Variants in SGCZ observed in about 807,000 individuals in gnomAD.
SGCZ encodes sarcoglycan zeta.
In SGCZ, 40 loss-of-function variants were observed where a neutral mutation model predicts 41.3. The observed-to-expected ratio is 0.97, with a 90% CI of 0.75 to 1.26. The LOEUF is 1.26. SGCZ is among the 50% of genes most tolerant of loss of function. SGCZ has a pLI of 0.00. For missense variants in SGCZ, 552 were observed against 369.8 expected, an observed-to-expected ratio of 1.49 and a Z score of -4.04; for synonymous variants, 206 against 137.5, an observed-to-expected ratio of 1.50 and a Z score of -3.49.
intron 2 of SGCZ, among the ~76,000 whole-genome samples, chr8:14,473,323 G>A (rs1428424015): frequency 6.6e-6 from 1 of 152,034 alleles, no homozygotes; most frequent in African/African-American, 2.4e-5. Context: ...AATAAGAAAA[G>A]CTTTCTCCTC....
chr8:14,609,249 G>C (rs62493060), intron 1 of SGCZ, among the ~76,000 whole-genome samples: 4,677 of 151,990 alleles, frequency 0.031, 108 homozygotes, highest in Non-Finnish European at 0.049. Context: ...GTTATGTTTG[G>C]TTTATTTATT....
intron 5 of SGCZ, among the ~76,000 whole-genome samples, chr8:14,140,912 C>T (rs1803348843): frequency 6.6e-6 from 1 of 152,184 alleles, no homozygotes; most frequent in Non-Finnish European, 1.5e-5. Flanking sequence ...TGCTACCTGA[C>T]TTCAAACTAT....
At position 14,823,758 on chromosome 8, in the gene SGCZ, T is replaced by C. The variant is rs187262604; in HGVS notation, c.40-268832A>G. Among the ~76,000 whole-genome samples the C allele has an allele frequency of 4.8e-3, 728 of 152,278 alleles. 3 individuals are homozygous for C. Among genetic ancestry groups the C allele is most frequent in the Non-Finnish European group, 8.4e-3 (568 of 68,002 alleles). On this transcript the variant is annotated intron_variant, in intron 1 of 7. Transcript: ENST00000382080. ...ATTCAAAGGACATAAATCACTATAT[T>C]GAAGAGATACCTGGAGTTACATGTT...
intron 3 of SGCZ, among the ~76,000 whole-genome samples, chr8:14,318,094 G>GT (rs1801775855): frequency 6.6e-6 from 1 of 151,822 alleles, no homozygotes; most frequent in South Asian, 2.1e-4. Context: ...AAGAAAGGTT[G>GT]TATTTCAATT....
chr8:14,932,216 C>T (rs1178322572), intron 1 of SGCZ, among the ~76,000 whole-genome samples: 6 of 151,714 alleles, frequency 4.0e-5, no homozygotes, highest in Non-Finnish European at 8.8e-5. Flanking sequence ...CATATGTTAA[C>T]AAATTATAAA....
intron 2 of SGCZ, among the ~76,000 whole-genome samples, chr8:14,405,317 T>A (rs1381221472): frequency 6.6e-6 from 1 of 152,196 alleles, no homozygotes; most frequent in Non-Finnish European, 1.5e-5. Context: ...AAAGCTATGA[T>A]GGTAACAATG....
chr8:14,397,586 T>A (rs1423506161), intron 2 of SGCZ, among the ~76,000 whole-genome samples: 1 of 152,140 alleles, frequency 6.6e-6, no homozygotes, highest in Non-Finnish European at 1.5e-5. Flanking sequence ...TAAAGCAGTA[T>A]TTTTTATTCT....
chr8:15,032,561 G>A (rs1007868159), intron 1 of SGCZ, among the ~76,000 whole-genome samples: 1 of 152,086 alleles, frequency 6.6e-6, no homozygotes, highest in African/African-American at 2.4e-5. Flanking sequence ...ACAGACCCGG[G>A]ATGCAGGCCT....
At chr8:14,252,826 A>G (rs1450975956) in intron 3 of SGCZ, among the ~76,000 whole-genome samples, 1 of 152,152 alleles carries the variant, frequency 6.6e-6, no homozygotes, top group East Asian at 1.9e-4. Flanking sequence ...TTCTGATTTT[A>G]GCTTTCATTT....
At position 14,397,828 on chromosome 8, in the gene SGCZ, G is replaced by A. The variant is rs540818913; in HGVS notation, c.235-73624C>T. Among the ~76,000 whole-genome samples, 9 of 152,208 alleles carry A rather than the reference G, an allele frequency of 5.9e-5. No homozygotes were observed. In the East Asian group the frequency reaches 7.7e-4, roughly 13 times the overall value. On this transcript the variant is annotated intron_variant, in intron 2 of 7. Transcript: ENST00000382080. ...GTACATCGAAGGTCTTCCACAAGGT[G>A]CTTCGTCTAAGATTGTCAACCCTGA... is the stretch of plus-strand genomic sequence containing the variant.
chr8:14,559,967 G>A (rs759083013), intron 1 of SGCZ, among the ~76,000 whole-genome samples: 1 of 152,084 alleles, frequency 6.6e-6, no homozygotes, highest in Non-Finnish European at 1.5e-5. Flanking sequence ...TATAACAGAT[G>A]ATAAGTTGCC....
rs573084305 is a variant in SGCZ at position 14,197,426 on chromosome 8, G to A, written c.425-32724C>T. 2.8e-4 allele frequency among the ~76,000 whole-genome samples: 43 copies of A among 151,830 alleles called. No homozygotes were observed. In the South Asian group the frequency reaches 8.7e-3, roughly 31 times the overall value. Reference sequence around the variant, plus strand: ...CATAATTATGAACAAATCAAATAAAGCAATATTAATAAAAATGATAATACA... The same window carrying A: ...CATAATTATGAACAAATCAAATAAAACAATATTAATAAAAATGATAATACA... On this transcript the variant is annotated intron_variant, in intron 4 of 7. Coordinates refer to ENST00000382080, the MANE Select transcript of SGCZ (RefSeq NM_139167.4).
At chr8:15,061,120 C>T (rs1804908399) in intron 1 of SGCZ, among the ~76,000 whole-genome samples, 1 of 149,168 alleles carries the variant, frequency 6.7e-6, no homozygotes, top group Non-Finnish European at 1.5e-5. Context: ...TAGCCAGCTA[C>T]TATAATCTGA....
At chr8:14,352,098 C>G (rs1405986629) in intron 2 of SGCZ, among the ~76,000 whole-genome samples, 1 of 152,064 alleles carries the variant, frequency 6.6e-6, no homozygotes, top group East Asian at 1.9e-4. Context: ...AAGTTAGCTT[C>G]TTTCATTAAA....
chr8:15,203,750 T>G (rs1800971234), intron 1 of SGCZ, among the ~76,000 whole-genome samples: 1 of 152,198 alleles, frequency 6.6e-6, no homozygotes, highest in South Asian at 2.1e-4. Context: ...GATTTAGCAG[T>G]GCTTCAAGAT....
At chr8:14,902,780 T>C (rs553957812) in intron 1 of SGCZ, among the ~76,000 whole-genome samples, 1 of 152,140 alleles carries the variant, frequency 6.6e-6, no homozygotes, top group Non-Finnish European at 1.5e-5. Flanking sequence ...ACTGGGGAGG[T>C]CAGTTACCTT....
At chr8:14,155,503 G>A (rs902210121) in intron 5 of SGCZ, among the ~76,000 whole-genome samples, 16 of 151,774 alleles carry the variant, frequency 1.1e-4, no homozygotes, top group East Asian at 3.9e-4. Flanking sequence ...ATTTTCTCCC[G>A]TTAGTCTCAT....
rs1414477514 is a variant in SGCZ at position 14,089,677 on chromosome 8, A to G, written c.*766T>C. Among the ~76,000 whole-genome samples, 1 of 152,078 alleles carries G rather than the reference A, an allele frequency of 6.6e-6. No homozygotes were observed. The highest frequency in any genetic ancestry group is 1.5e-5 in the Non-Finnish European group (1 of 68,006). ...ATGTTTTGTTAAAAGCAAATACGTCACATGCAGTAGCCATGTAAATACTAT... is the reference window on the plus strand; with the variant it reads ...ATGTTTTGTTAAAAGCAAATACGTCGCATGCAGTAGCCATGTAAATACTAT... On this transcript the variant is annotated 3_prime_UTR_variant, in exon 8 of 8. Transcript: ENST00000382080.
chr8:14,954,754 C>G (rs1171295983), intron 1 of SGCZ, among the ~76,000 whole-genome samples: 1 of 152,134 alleles, frequency 6.6e-6, no homozygotes, highest in African/African-American at 2.4e-5. Flanking sequence ...TTAGGTGAGA[C>G]TCCAAGCAGG....
Sources: gnomAD v4.1 joint callset for allele counts (sites outside exome capture counted in the v4.1 genomes callset) on GRCh38, gnomAD v4.1.1 for gene constraint, MANE v1.5 for transcripts, NCBI Gene and HGNC (gene_info 2026-07-23, HGNC 2026-07-21) for gene names.